Variants in NUMB observed in about 807,000 individuals in gnomAD.
NUMB encodes the protein NUMB endocytic adaptor protein.
A neutral mutation model predicts 59.7 loss-of-function variants in NUMB; 29 were observed. The observed-to-expected ratio is 0.49, with a 90% CI of 0.36 to 0.66. NUMB has a LOEUF of 0.66. NUMB is among the 30% of genes least tolerant of loss of function. The probability of loss-of-function intolerance (pLI) is 0.00; values close to 1 mark genes in which losing one functional copy is unlikely to be tolerated. For synonymous variants in NUMB, 288 were observed against 288.2 expected (o/e 1.00, Z 0.01); for missense variants, 723 against 822.0 (o/e 0.88, Z 1.47).
chr14:73,426,767 A>T (rs1897600898), intron 1 of NUMB, among the ~76,000 whole-genome samples: 1 of 152,060 alleles, frequency 6.6e-6, no homozygotes, highest in Non-Finnish European at 1.5e-5. Flanking sequence ...GAATTGCTTG[A>T]ACCTGGGAGG....
intron 1 of NUMB, among the ~76,000 whole-genome samples, chr14:73,457,408 A>G (rs923164535): frequency 6.6e-6 from 1 of 152,160 alleles, no homozygotes; most frequent in African/African-American, 2.4e-5. Flanking sequence ...AGTTTCTTCT[A>G]TTTGTGAAGA....
intron 2 of NUMB, among the ~76,000 whole-genome samples, chr14:73,402,236 C>G (rs1896453435): frequency 6.6e-6 from 1 of 152,128 alleles, no homozygotes; most frequent in African/African-American, 2.4e-5. Flanking sequence ...TTTTCTTCAA[C>G]AGATGGAGAA....
intron 1 of NUMB, among the ~76,000 whole-genome samples, chr14:73,416,619 T>C (rs1897137654): frequency 6.6e-6 from 1 of 152,072 alleles, no homozygotes; most frequent in Admixed American, 6.6e-5. Flanking sequence ...GGAGGGAGGA[T>C]CACATGAGGC....
At chr14:73,327,789 G>A (rs1016167054) in intron 4 of NUMB, among the ~76,000 whole-genome samples, 1 of 151,954 alleles carries the variant, frequency 6.6e-6, no homozygotes, top group Non-Finnish European at 1.5e-5. Flanking sequence ...TTTTGGTTTA[G>A]AGGTCTATGA....
chr14:73,392,214 T>C (rs1895888243), intron 2 of NUMB, among the ~76,000 whole-genome samples: 1 of 152,116 alleles, frequency 6.6e-6, no homozygotes, highest in South Asian at 2.1e-4. Context: ...AAATACAGGA[T>C]CAAAGTAAAA....
At chr14:73,298,510 A>C (rs1889921850) in intron 6 of NUMB, 1 of 152,228 alleles carries the variant, frequency 6.6e-6, no homozygotes, top group South Asian at 2.1e-4. Context: ...GCTGATGCAT[A>C]ATTCCTCCTG....
chr14:73,417,198 G>A (rs1897163557), intron 1 of NUMB, among the ~76,000 whole-genome samples: 1 of 152,068 alleles, frequency 6.6e-6, no homozygotes, highest in Non-Finnish European at 1.5e-5. Flanking sequence ...GTCCATGTGT[G>A]ACCTTATCCT....
At chr14:73,356,246 T>C (rs904697690) in intron 3 of NUMB, among the ~76,000 whole-genome samples, 2 of 152,190 alleles carry the variant, frequency 1.3e-5, no homozygotes, top group Non-Finnish European at 2.9e-5. Context: ...ACACTAAAAT[T>C]TAGGAATCTT....
intron 2 of NUMB, among the ~76,000 whole-genome samples, chr14:73,377,956 T>TAC (rs1895037618): frequency 6.6e-6 from 1 of 150,662 alleles, no homozygotes; most frequent in Admixed American, 6.6e-5. Flanking sequence ...TAGATATATA[T>TAC]ACACACACAT....
chr14:73,440,282 C>T (rs946587750), intron 1 of NUMB, among the ~76,000 whole-genome samples: 7 of 145,950 alleles, frequency 4.8e-5, no homozygotes, highest in African/African-American at 1.8e-4. Flanking sequence ...TATATATATA[C>T]ACATCCATAT....
chr14:73,448,761 T>C lies in NUMB; in HGVS notation c.-233+9732A>G, dbSNP rs143862571. ...AAATAATATAATGCTCAATTGTTTT[T>C]TTCTAGTAGTAGGATTAATGGTTTC... On this transcript the variant is annotated intron_variant, in intron 1 of 12. Transcript: ENST00000555238. Among the ~76,000 whole-genome samples the C allele has an allele frequency of 4.0e-4, 61 of 152,300 alleles. 1 individual carries two copies. The highest frequency in any genetic ancestry group is 1.4e-3 in the African/African-American group (59 of 41,572).
chr14:73,322,227 T>C (rs576584284), intron 5 of NUMB, among the ~76,000 whole-genome samples: 1 of 152,174 alleles, frequency 6.6e-6, no homozygotes, highest in African/African-American at 2.4e-5. Context: ...AGAAGGAGGG[T>C]TGTGAAAAGG....
intron 2 of NUMB, among the ~76,000 whole-genome samples, chr14:73,367,563 C>T (rs1036183294): frequency 4.0e-5 from 6 of 151,554 alleles, no homozygotes; most frequent in Admixed American, 6.6e-5. Context: ...CACTTGAGCC[C>T]AGGGGTTCAA....
chr14:73,399,758 A>G (rs968742874), intron 2 of NUMB, among the ~76,000 whole-genome samples: 1 of 152,144 alleles, frequency 6.6e-6, no homozygotes, highest in Non-Finnish European at 1.5e-5. Context: ...CTAAAAAATA[A>G]ACAGGCCAGG....
chr14:73,334,457 C>T (rs918571009), intron 4 of NUMB, among the ~76,000 whole-genome samples: 3 of 152,106 alleles, frequency 2.0e-5, no homozygotes, highest in African/African-American at 7.2e-5. Flanking sequence ...ACAGGAATTA[C>T]TCTTTGAGTG....
chr14:73,412,256 A>G (rs908881849), intron 1 of NUMB, among the ~76,000 whole-genome samples: 5 of 152,022 alleles, frequency 3.3e-5, no homozygotes, highest in Non-Finnish European at 7.4e-5. Context: ...ATTTGCCAAA[A>G]GCTCTTCTAA....
At chr14:73,418,201 A>G (rs1452756023) in intron 1 of NUMB, among the ~76,000 whole-genome samples, 2 of 152,246 alleles carry the variant, frequency 1.3e-5, no homozygotes, top group African/African-American at 4.8e-5. Flanking sequence ...AACCTTGAAA[A>G]TTGTGCTAAG....
intron 1 of NUMB, among the ~76,000 whole-genome samples, chr14:73,448,960 G>A (rs571156320): frequency 2.0e-5 from 3 of 151,696 alleles, no homozygotes; most frequent in African/African-American, 7.2e-5. Flanking sequence ...GTCCCACACA[G>A]GAGGATTCAA....
intron 3 of NUMB, among the ~76,000 whole-genome samples, chr14:73,366,178 C>T (rs527643774): frequency 6.6e-6 from 1 of 152,146 alleles, no homozygotes; most frequent in Non-Finnish European, 1.5e-5. Context: ...TCAATGGGTA[C>T]TTCTAGTGGT....
Sources: gnomAD v4.1 joint callset for allele counts (sites outside exome capture counted in the v4.1 genomes callset) on GRCh38, gnomAD v4.1.1 for gene constraint, MANE v1.5 for transcripts, NCBI Gene and HGNC (gene_info 2026-07-23, HGNC 2026-07-21) for gene names.